The following NOX4 variants were observed in gnomAD, a reference collection of about 807,000 sequenced individuals.
NOX4 encodes NADPH oxidase 4, also known as kidney oxidase-1.
NOX4 carries 69 observed loss-of-function variants against 87.6 expected under a neutral mutation model. The ratio of observed to expected loss-of-function variants is 0.79; its 90% confidence interval spans 0.65 to 0.96. The LOEUF (loss-of-function observed/expected upper bound fraction) is 0.96. Among genes scored for constraint, NOX4 ranks in the 40% least tolerant of loss-of-function variants. The pLI, the probability that NOX4 is intolerant of heterozygous loss-of-function variation, is 0.00. For missense variants in NOX4, 680 were observed against 681.5 expected, an observed-to-expected ratio of 1.00 and a Z score of 0.02; for synonymous variants, 275 against 238.2, an observed-to-expected ratio of 1.15 and a Z score of -1.42.
intron 8 of NOX4, among the ~76,000 whole-genome samples, chr11:89,407,664 G>C (rs1467696239): frequency 1.3e-5 from 2 of 151,530 alleles, no homozygotes; most frequent in South Asian, 2.1e-4. Flanking sequence ...CTTTCTGTTT[G>C]TTTCTTTCTT....
intron 11 of NOX4, among the ~76,000 whole-genome samples, chr11:89,378,190 A>C (rs1335805887): frequency 6.6e-6 from 1 of 152,138 alleles, no homozygotes; most frequent in Non-Finnish European, 1.5e-5. Context: ...ATCTGTTTCA[A>C]ATTCTTTCTG....
At chr11:89,491,024 G>T in intron 1 of NOX4, 166 bp downstream of exon 1, 1 of 767,898 alleles carries the variant, frequency 1.3e-6, no homozygotes, top group Non-Finnish European at 2.3e-6. Flanking sequence ...GGGGGTGGGA[G>T]GGGGAGTGTT....
chr11:89,481,134 GAA>G (rs1180874965), intron 2 of NOX4, among the ~76,000 whole-genome samples: 1 of 151,950 alleles, frequency 6.6e-6, no homozygotes, highest in African/African-American at 2.4e-5. Context: ...TGTGAGCACT[GAA>G]ATAATAGATC....
rs1941727125 is a variant in NOX4, at chr11:89,399,947, C to G, written c.1074+70G>C. On this transcript the variant is annotated intron_variant, in intron 11 of 17. Transcript: ENST00000263317. Reference sequence around the variant, plus strand: ...GCCTTGAATACCTTTTAGAATGAGACAGGACACAAAAAAAGAAAAATATGC... The same window carrying G: ...GCCTTGAATACCTTTTAGAATGAGAGAGGACACAAAAAAAGAAAAATATGC... 3.8e-6 allele frequency: 4 copies of G among 1,044,382 alleles called. No homozygotes were observed. In the Admixed American group the frequency reaches 6.4e-5, roughly 17 times the overall value. The allele number at this position is 1,044,382 out of a possible 1,614,324, so 64.7% of individuals were successfully genotyped here. A position where few individuals can be genotyped will look rare whatever the true frequency, so the allele number is the denominator to read the frequency against.
chr11:89,417,270 G>A (rs1942834680), intron 8 of NOX4, among the ~76,000 whole-genome samples: 1 of 152,096 alleles, frequency 6.6e-6, no homozygotes, highest in South Asian at 2.1e-4. Flanking sequence ...TTATCAGTAA[G>A]TGAGAATAGC....
intron 2 of NOX4, among the ~76,000 whole-genome samples, chr11:89,481,753 A>G (rs1293063899): frequency 6.6e-6 from 1 of 152,124 alleles, no homozygotes; most frequent in Non-Finnish European, 1.5e-5. Context: ...GTCCATAAAG[A>G]AAGCATTTAA....
At chr11:89,416,715 C>T (rs1406256284) in intron 8 of NOX4, among the ~76,000 whole-genome samples, 1 of 152,092 alleles carries the variant, frequency 6.6e-6, no homozygotes, top group East Asian at 1.9e-4. Context: ...AAAGCCTGCC[C>T]ACTGTGCTCC....
the NOX4 span, among the ~76,000 whole-genome samples, chr11:89,504,337 A>C: frequency 6.6e-6 from 1 of 151,950 alleles, no homozygotes; most frequent in Non-Finnish European, 1.5e-5. Context: ...TCCAATATAC[A>C]TTTTGCACTC....
At chr11:89,353,712 C>T (rs1472154461) in intron 13 of NOX4, among the ~76,000 whole-genome samples, 3 of 152,074 alleles carry the variant, frequency 2.0e-5, no homozygotes, top group African/African-American at 4.8e-5. Flanking sequence ...TATGACTACC[C>T]TCTTCAAGCA....
chr11:89,414,309 C>T (rs1214670046), intron 8 of NOX4, among the ~76,000 whole-genome samples: 1 of 151,944 alleles, frequency 6.6e-6, no homozygotes, highest in Non-Finnish European at 1.5e-5. Context: ...TCATCCCACA[C>T]ATTTGAATAA....
chr11:89,507,237 T>A, the NOX4 span, among the ~76,000 whole-genome samples: 1 of 151,824 alleles, frequency 6.6e-6, no homozygotes, highest in Non-Finnish European at 1.5e-5. Context: ...ATCTTGATTG[T>A]GGTGATGGTT....
the NOX4 span, among the ~76,000 whole-genome samples, chr11:89,537,746 G>C: frequency 6.6e-6 from 1 of 151,894 alleles, no homozygotes; most frequent in South Asian, 2.1e-4. Context: ...CTCAATCCTG[G>C]AGTTGACTTT....
chr11:89,439,174 A>G (rs1316590235), intron 6 of NOX4, among the ~76,000 whole-genome samples: 3 of 149,860 alleles, frequency 2.0e-5, no homozygotes, highest in Admixed American at 1.4e-4. Context: ...CAAGGCTTCA[A>G]TTAAACTTTA....
At chr11:89,575,032 G>C in the NOX4 span, among the ~76,000 whole-genome samples, 1 of 152,086 alleles carries the variant, frequency 6.6e-6, no homozygotes, top group East Asian at 1.9e-4. Flanking sequence ...AAAATACAAA[G>C]ATTAGCCAAC....
the NOX4 span, among the ~76,000 whole-genome samples, chr11:89,513,204 CAGCTACTCAGGA>C: frequency 2.9e-4 from 44 of 151,952 alleles, no homozygotes; most frequent in Admixed American, 9.9e-4. Flanking sequence ...CCTGTAATCC[CAGCTACTCAGGA>C]AGCTGAGGCA....
At chr11:89,515,133 G>A in the NOX4 span, among the ~76,000 whole-genome samples, 36 of 152,102 alleles carry the variant, frequency 2.4e-4, no homozygotes, top group African/African-American at 6.7e-4. Flanking sequence ...ATATCCAGGA[G>A]TGCAATTGCT....
chr11:89,480,388 C>A (rs959093505), intron 2 of NOX4, among the ~76,000 whole-genome samples: 1 of 152,148 alleles, frequency 6.6e-6, no homozygotes, highest in African/African-American at 2.4e-5. Flanking sequence ...TAACAACAGT[C>A]TTCCACATCT....
At chr11:89,535,595 C>T in the NOX4 span, among the ~76,000 whole-genome samples, 1 of 152,158 alleles carries the variant, frequency 6.6e-6, no homozygotes, top group Non-Finnish European at 1.5e-5. Context: ...TTCTGTCTCT[C>T]TCTCCTTTCC....
intron 11 of NOX4, among the ~76,000 whole-genome samples, chr11:89,397,478 C>A (rs1369812976): frequency 2.0e-5 from 3 of 151,996 alleles, no homozygotes; most frequent in Non-Finnish European, 4.4e-5. Context: ...CAGAGCTGAA[C>A]TGAAGCAGAG....
Sources: allele counts gnomAD v4.1 joint callset (sites outside exome capture counted in the v4.1 genomes callset), GRCh38; gene constraint gnomAD v4.1.1; transcripts MANE v1.5; gene names NCBI Gene and HGNC (gene_info 2026-07-23, HGNC 2026-07-21).